DMC1: variants seen among roughly 807,000 people sequenced by gnomAD.
The protein encoded by DMC1 is meiotic recombination protein DMC1 homolog.
A neutral mutation model predicts 50.1 loss-of-function variants in DMC1; 27 were observed. The observed-to-expected ratio is 0.54, with a 90% CI of 0.40 to 0.74. The LOEUF (loss-of-function observed/expected upper bound fraction) is 0.74. Among genes scored for constraint, DMC1 ranks in the 30% least tolerant of loss-of-function variants. The pLI is 0.00. For missense variants in DMC1, 295 were observed against 420.2 expected, an observed-to-expected ratio of 0.70 and a Z score of 2.60; for synonymous variants, 148 against 136.1, an observed-to-expected ratio of 1.09 and a Z score of -0.61.
chr22:38,516,742 G>GCTTGGGCCATGGC (rs1368125463), downstream of DMC1, among the ~76,000 whole-genome samples: 1 of 152,178 alleles, frequency 6.6e-6, no homozygotes, highest in Non-Finnish European at 1.5e-5. Context: ...ATGGGGGAGA[G>GCTTGGGCCATGGC]CTTGGGCCAT....
chr22:38,517,593 CAAAA>C (rs561456180), downstream of DMC1, among the ~76,000 whole-genome samples: 164 of 149,200 alleles, frequency 1.1e-3, no homozygotes, highest in African/African-American at 3.7e-3. Flanking sequence ...AAACAAAAAA[CAAAA>C]CAAAACAAAA....
chr22:38,535,366 G>C (rs531744438), intron 12 of DMC1, among the ~76,000 whole-genome samples: 1 of 151,256 alleles, frequency 6.6e-6, no homozygotes, highest in Non-Finnish European at 1.5e-5. Flanking sequence ...ATATACATAT[G>C]AGAATGTGTG....
chr22:38,511,249 T>C, the DMC1 span, among the ~76,000 whole-genome samples: 1 of 152,104 alleles, frequency 6.6e-6, no homozygotes. Context: ...TGCTAATTGC[T>C]TATCCAACAA....
chr22:38,562,792 T>C (rs1451530600), intron 4 of DMC1, among the ~76,000 whole-genome samples: 1 of 151,900 alleles, frequency 6.6e-6, no homozygotes, highest in Non-Finnish European at 1.5e-5. Flanking sequence ...TACATATACA[T>C]ATATACACAT....
chr22:38,559,481 T>G (rs188953340), intron 5 of DMC1, among the ~76,000 whole-genome samples: 392 of 152,280 alleles, frequency 2.6e-3, no homozygotes, highest in Non-Finnish European at 3.7e-3. Context: ...AACAGGTGTT[T>G]TGTGTCACTG....
intron 8 of DMC1, among the ~76,000 whole-genome samples, chr22:38,549,185 T>C (rs1156712462): frequency 6.6e-6 from 1 of 152,346 alleles, no homozygotes; most frequent in Non-Finnish European, 1.5e-5. Context: ...CAATCATCTT[T>C]CTAGCCCATA....
chr22:38,533,395 CAAAAAAAAAA>C lies in DMC1; in HGVS notation c.836+4187_836+4196del, dbSNP rs1296043692. Among the ~76,000 whole-genome samples, 4 of 38,484 alleles carry C rather than the reference CAAAAAAAAAA, an allele frequency of 1.0e-4. No homozygotes were observed. In the Admixed American group the frequency reaches 1.1e-3, roughly 11 times the overall value. 25.2% of individuals were successfully genotyped at this position (38,484 alleles called of 152,430 possible). A position where few individuals can be genotyped will look rare whatever the true frequency, so the allele number is the denominator to read the frequency against. ...TGAGTGACAGAGCGAGACTCCATCACAAAAAAAAAAAAAAAAAAAAAGAGTCTTGAAAAGT... is the reference window on the plus strand; with the variant it reads ...TGAGTGACAGAGCGAGACTCCATCACAAAAAAAAAAAGAGTCTTGAAAAGT... On this transcript the variant is annotated intron_variant, in intron 12 of 13. Coordinates refer to ENST00000216024, the MANE Select transcript of DMC1 (RefSeq NM_007068.4).
At position 38,519,763 on chromosome 22, in the gene DMC1, C is replaced by T. The variant is rs547827620; in HGVS notation, c.*257G>A. On this transcript the variant is annotated 3_prime_UTR_variant, in exon 14 of 14. Transcript: ENST00000216024. ...GAATTTCAATAGGTATATATATCTA[C>T]TATATATGTCAGGTATACACACACA... 2.3e-6 allele frequency: 1 copy of T among 427,680 alleles called. No individual in the cohort carries two copies. Among genetic ancestry groups the T allele is most frequent in the South Asian group, 2.1e-5 (1 of 47,612 alleles). The allele number at this position is 427,680 out of a possible 1,614,324, so 26.5% of individuals were successfully genotyped here.
intron 4 of DMC1, among the ~76,000 whole-genome samples, chr22:38,564,247 G>T (rs1299487896): frequency 1.3e-5 from 2 of 152,208 alleles, no homozygotes; most frequent in Non-Finnish European, 1.5e-5. Context: ...GAGGCAGGAG[G>T]ATCACTTGAA....
At chr22:38,549,838 C>G in intron 8 of DMC1, 87 bp downstream of exon 8, 1 of 1,023,852 alleles carries the variant, frequency 9.8e-7, no homozygotes, top group Non-Finnish European at 1.5e-6. Context: ...GGAATGACTA[C>G]AAAGATTGTA....
chr22:38,555,143 A>G (rs1009384482), intron 6 of DMC1, among the ~76,000 whole-genome samples: 7 of 152,164 alleles, frequency 4.6e-5, no homozygotes, highest in Admixed American at 2.0e-4. Context: ...ATAAAAGATG[A>G]AAAGTGTTGA....
intron 5 of DMC1, among the ~76,000 whole-genome samples, chr22:38,556,348 C>A (rs993888897): frequency 6.6e-6 from 1 of 152,112 alleles, no homozygotes; most frequent in Non-Finnish European, 1.5e-5. Flanking sequence ...CCCACCTTGG[C>A]CTTCCAAAGT....
intron 6 of DMC1, 113 bp from the exon 7 acceptor site, chr22:38,552,820 A>C: frequency 6.8e-6 from 5 of 737,904 alleles, no homozygotes; most frequent in Non-Finnish European, 9.3e-6. Flanking sequence ...TCCAACTGGC[A>C]AATCTTACTT....
At chr22:38,534,796 G>T (rs1027426326) in intron 12 of DMC1, among the ~76,000 whole-genome samples, 1 of 151,654 alleles carries the variant, frequency 6.6e-6, no homozygotes, top group African/African-American at 2.4e-5. Context: ...GAGGTCGGGA[G>T]TTCGAGACCA....
chr22:38,559,522 C>G (rs2090503690), intron 5 of DMC1, among the ~76,000 whole-genome samples: 1 of 152,166 alleles, frequency 6.6e-6, no homozygotes, highest in Non-Finnish European at 1.5e-5. Context: ...TGCGCTGTGA[C>G]TCTTCAAGAA....
chr22:38,563,839 A>G (rs910145259), intron 4 of DMC1, among the ~76,000 whole-genome samples: 4 of 151,960 alleles, frequency 2.6e-5, no homozygotes, highest in Non-Finnish European at 4.4e-5. Context: ...AGCTGGGACT[A>G]CAGGCGCCTG....
chr22:38,545,770 GATCA>G (rs1244522322), intron 8 of DMC1: 1 of 152,078 alleles, frequency 6.6e-6, no homozygotes, highest in African/African-American at 2.4e-5. Flanking sequence ...GGGAAGTTCA[GATCA>G]ATTATAAATA....
chr22:38,512,804 C>T, the DMC1 span, among the ~76,000 whole-genome samples: 2 of 152,152 alleles, frequency 1.3e-5, no homozygotes, highest in Admixed American at 1.3e-4. Flanking sequence ...ACATTAGGGG[C>T]TGAGCGTGGT....
At chr22:38,509,669 T>C in the DMC1 span, among the ~76,000 whole-genome samples, 1 of 152,032 alleles carries the variant, frequency 6.6e-6, no homozygotes, top group East Asian at 1.9e-4. Flanking sequence ...TAGCTTTTTT[T>C]GTTTTTTGTT....
Sources: gnomAD v4.1 joint callset for allele counts (sites outside exome capture counted in the v4.1 genomes callset) on GRCh38, gnomAD v4.1.1 for gene constraint, MANE v1.5 for transcripts, NCBI Gene and HGNC (gene_info 2026-07-23, HGNC 2026-07-21) for gene names.